Variants in DHX38 observed in about 807,000 individuals in gnomAD.
The protein encoded by DHX38 is pre-mRNA-splicing factor ATP-dependent RNA helicase PRP16.
A neutral mutation model predicts 153.1 loss-of-function variants in DHX38; 100 were observed. That is an observed-to-expected ratio of 0.65 (90% CI 0.56 to 0.77). The LOEUF (loss-of-function observed/expected upper bound fraction) is 0.77, where lower values mean the gene tolerates loss of function less well. Ranked by LOEUF, DHX38 falls within the 30% of genes least tolerant of loss-of-function variation. The pLI is 0.00. For synonymous variants in DHX38, 650 were observed against 631.7 expected (o/e 1.03, Z -0.43); for missense variants, 1,440 against 1,654.0 (o/e 0.87, Z 2.24).
In DHX38 at chr16:72,105,027, AC is replaced by A; in HGVS notation, c.2156del (p.Pro719HisfsTer10). Reference sequence around the variant, plus strand: ...GACTGTGTCCCCACTGCTGTTGCAGACCCCACAGGAGGATTACGTGGAGGCT... The same window carrying A: ...GACTGTGTCCCCACTGCTGTTGCAGACCCACAGGAGGATTACGTGGAGGCT... ...TFPVDILFSK[T>X]PQEDYVEAAV... On this transcript the variant is annotated frameshift_variant and splice_region_variant, in exon 16 of 27. Coordinates refer to ENST00000268482, the MANE Select transcript of DHX38 (RefSeq NM_014003.4). LOFTEE classifies it high-confidence loss of function. The A allele has an allele frequency of 6.2e-7, 1 of 1,613,658 alleles. No homozygotes were observed. The highest frequency in any genetic ancestry group is 8.5e-7 in the Non-Finnish European group (1 of 1,179,818).
intron 1 of DHX38, among the ~76,000 whole-genome samples, chr16:72,095,754 T>C (rs761368560): frequency 3.9e-5 from 6 of 152,196 alleles, no homozygotes; most frequent in South Asian, 2.1e-4. Context: ...TGGTTTCTAA[T>C]TGAGGTTTCT....
At position 72,105,253 on chromosome 16, in the gene DHX38, G is replaced by C. The variant is rs1276926640; in HGVS notation, c.2284G>C (p.Glu762Gln). Residue 762 changes from glutamate (E) to glutamine (Q), a missense_variant, in exon 17 of 27, where the codon GAG (glutamate) becomes CAG (glutamine). Physicochemically the swap from Glu to Gln is conservative, Grantham distance 29 (BLOSUM62 2). Transcript: ENST00000268482. ...DIEVTSDQIV[E>Q]HLEELENAPA... ...TCAGGTGACCTCAGACCAGATTGTGGAGCATCTGGAGGAACTGGAGAACGC... is the reference window on the plus strand; with the variant it reads ...TCAGGTGACCTCAGACCAGATTGTGCAGCATCTGGAGGAACTGGAGAACGC... 1.2e-6 allele frequency: 2 copies of C among 1,614,150 alleles called. No homozygotes were observed. Among genetic ancestry groups the C allele is most frequent in the Non-Finnish European group, 8.5e-7 (1 of 1,180,028 alleles).
chr16:72,103,476 C>T, intron 12 of DHX38, 126 bp from the exon 13 acceptor site: 13 of 1,116,126 alleles, frequency 1.2e-5, no homozygotes, highest in Non-Finnish European at 1.7e-5. Context: ...GTGAAATTCT[C>T]CCTTCTAAAC....
Position 72,108,236 on chromosome 16 carries a change from G to A in DHX38, c.2974G>A (p.Glu992Lys). 6.2e-7 allele frequency: 1 copy of A among 1,614,124 alleles called. No individual in the cohort carries two copies. Among genetic ancestry groups the A allele is most frequent in the Non-Finnish European group, 8.5e-7 (1 of 1,180,032 alleles). ...AIFYRPKGREEESDQIREKFA... is the reference protein window; with the variant it reads ...AIFYRPKGREKESDQIREKFA... The stretch of plus-strand genomic sequence containing the variant: ...CTTTTTCCCTTCCTAGGGTCGAGAG[G>A]AGGAGAGTGATCAAATCCGGGAGAA... The change falls in exon 22 of 27, where the codon GAG becomes AAG. Residue 992 changes from glutamate (E) to lysine (K), a missense_variant. Glu to Lys is a moderately conservative substitution (Grantham distance 56). Around this residue, in one of 6 missense-constraint regions of DHX38, gnomAD observed 543 missense variants for 717.9 expected, o/e 0.76. Coordinates refer to ENST00000268482, the MANE Select transcript of DHX38 (RefSeq NM_014003.4).
intron 11 of DHX38, among the ~76,000 whole-genome samples, chr16:72,102,031 A>G (rs1468348379): frequency 6.6e-6 from 1 of 152,166 alleles, no homozygotes; most frequent in Admixed American, 6.5e-5. Context: ...AACTATTTTT[A>G]AAAGAGGTTC....
rs370838624 is a variant in DHX38 at position 72,105,908 on chromosome 16, C to G, written c.2488-97C>G. On this transcript the variant is annotated intron_variant, in intron 18 of 26. Coordinates refer to ENST00000268482, the MANE Select transcript of DHX38 (RefSeq NM_014003.4). Reference sequence around the variant, plus strand: ...TTTCTAGAGCCTCCTGGCTCTTCCTCTGCCATGTGTAGCAACCAGGGCTTG... The same window carrying G: ...TTTCTAGAGCCTCCTGGCTCTTCCTGTGCCATGTGTAGCAACCAGGGCTTG... 66 of 1,143,892 alleles carry G rather than the reference C, an allele frequency of 5.8e-5. 2 individuals are homozygous for G. Among genetic ancestry groups the G allele is most frequent in the Admixed American group, 3.0e-4 (16 of 53,772 alleles). The allele number at this position is 1,143,892 out of a possible 1,614,324, so 70.9% of individuals were successfully genotyped here.
In DHX38 at chr16:72,105,986, C is replaced by T. The variant is rs189633613; in HGVS notation, c.2488-19C>T. On this transcript the variant is annotated intron_variant, in intron 18 of 26. Coordinates refer to ENST00000268482, the MANE Select transcript of DHX38 (RefSeq NM_014003.4). ...CCCCTCACTCTGTCCTTCGTCAGCT[C>T]TTTGCCGTCCCCTCCTAGGTCTTCA... The T allele has an allele frequency of 1.9e-6, 3 of 1,610,736 alleles. No individual in the cohort carries two copies. The highest frequency in any genetic ancestry group is 2.2e-5 in the East Asian group (1 of 44,820).
rs1459938795 is a variant in DHX38, at chr16:72,107,152, A to T, written c.2601-188A>T. ...TGTCTAAAAAAAAAAGAAATGAAAC[A>T]TGTAAGAGGCTCCAGAAGAAGGGCT... On this transcript the variant is annotated intron_variant, in intron 19 of 26. Coordinates refer to ENST00000268482, the MANE Select transcript of DHX38 (RefSeq NM_014003.4). This position sits in a 1 kb window ranked among gnomAD's most constrained non-coding sequence, Gnocchi z 5.3. Among the ~76,000 whole-genome samples, 2 of 152,122 alleles carry T rather than the reference A, an allele frequency of 1.3e-5. No individual in the cohort carries two copies. Among genetic ancestry groups the T allele is most frequent in the Non-Finnish European group, 2.9e-5 (2 of 68,000 alleles).
intron 23 of DHX38, 23 bp downstream of exon 23, chr16:72,108,630 C>T (rs1372553695): frequency 1.9e-6 from 3 of 1,609,128 alleles, no homozygotes; most frequent in Non-Finnish European, 2.5e-6. Context: ...GCCCAGTGAG[C>T]CCCTCCCAGC....
At chr16:72,103,878 C>T (rs2042134816) in intron 13 of DHX38, 68 bp from the exon 14 acceptor site, 1 of 1,603,272 alleles carries the variant, frequency 6.2e-7, no homozygotes, top group Non-Finnish European at 8.5e-7. Flanking sequence ...AAGACTCGGA[C>T]CCCAGTACGG....
In DHX38 at chr16:72,097,660, C is replaced by T. The variant is rs935662577; in HGVS notation, c.512-17C>T. The T allele has an allele frequency of 8.1e-6, 13 of 1,611,448 alleles. No individual in the cohort carries two copies. Among genetic ancestry groups the T allele is most frequent in the African/African-American group, 4.0e-5 (3 of 74,874 alleles). On this transcript the variant is annotated splice_polypyrimidine_tract_variant and intron_variant, in intron 3 of 26. Coordinates refer to ENST00000268482, the MANE Select transcript of DHX38 (RefSeq NM_014003.4). ...GGATGGGATGCATGTTTTTAAGCTT[C>T]GTGTGACTCTTCATAGATGAGCGGG... is the stretch of plus-strand genomic sequence containing the variant.
chr16:72,111,067 G>T lies in DHX38; in HGVS notation c.3589G>T (p.Gly1197Cys). ...RQEQEKRSPL[G>C]SVRSTKIYTP... is the part of the protein sequence containing the mutation. ...GGAGCAGGAGAAGCGCAGCCCCCTGGGCAGTGTCAGGTGAGCTCCGGCCTT... is the reference window on the plus strand; with the variant it reads ...GGAGCAGGAGAAGCGCAGCCCCCTGTGCAGTGTCAGGTGAGCTCCGGCCTT... The change falls in exon 26 of 27, where the codon GGC (glycine) becomes TGC (cysteine). Residue 1197 changes from glycine to cysteine, a missense_variant. By Grantham distance (159) the Gly-to-Cys change is radical. Around this residue, in one of 6 missense-constraint regions of DHX38, gnomAD observed 75 missense variants for 69.5 expected, o/e 1.08. Coordinates refer to ENST00000268482, the MANE Select transcript of DHX38 (RefSeq NM_014003.4). 6.4e-7 allele frequency: 1 copy of T among 1,564,450 alleles called. No individual in the cohort carries two copies. Among genetic ancestry groups the T allele is most frequent in the Non-Finnish European group, 8.7e-7 (1 of 1,155,062 alleles).
chr16:72,104,168 G>C lies in DHX38; in HGVS notation c.2010+37G>C. 2 of 1,601,362 alleles carry C rather than the reference G, an allele frequency of 1.2e-6. No individual in the cohort carries two copies. The highest frequency in any genetic ancestry group is 1.7e-6 in the Non-Finnish European group (2 of 1,171,188). On this transcript the variant is annotated intron_variant, in intron 14 of 26. Transcript: ENST00000268482. The surrounding 1 kb of genome is among the most constrained non-coding windows in gnomAD (Gnocchi z 4.5). ...GTGGTTTGGTCTCTCTGCGCATGGG[G>C]TGTTGACCAGTGCACCACCAGTAGC...
rs1405494196 is a variant in DHX38, at chr16:72,108,792, C to T, written c.3256-8C>T. On this transcript the variant is annotated splice_polypyrimidine_tract_variant and splice_region_variant and intron_variant, in intron 23 of 26. Transcript: ENST00000268482. ...CTGATGTGGCTGCCTGTTGTGTCTC[C>T]TCCCTAGGGAATCGGGGAGTACGTG... 1.2e-6 allele frequency: 2 copies of T among 1,611,562 alleles called. No individual in the cohort carries two copies. Among genetic ancestry groups the T allele is most frequent in the Admixed American group, 3.4e-5 (2 of 59,606 alleles).
chr16:72,104,345 C>T lies in DHX38; in HGVS notation c.2011-141C>T. On this transcript the variant is annotated intron_variant, in intron 14 of 26. Transcript: ENST00000268482. This position sits in a 1 kb window ranked among gnomAD's most constrained non-coding sequence, Gnocchi z 4.5. ...TTTCTGGGCAGTGGCTCCATTGCTT[C>T]AGTCTTCATGATTGGTAAGAATTGA... The T allele has an allele frequency of 7.8e-7, 1 of 1,284,060 alleles. No individual in the cohort carries two copies. Among genetic ancestry groups the T allele is most frequent in the Non-Finnish European group, 1.1e-6 (1 of 949,494 alleles). 79.5% of individuals were successfully genotyped at this position (1,284,060 alleles called of 1,614,324 possible). A position where few individuals can be genotyped will look rare whatever the true frequency, so the allele number is the denominator to read the frequency against.
In DHX38 at chr16:72,107,607, T is replaced by C; in HGVS notation, c.2810-38T>C. ...CGCTTGACTTCCTTCTTTCCTCTACTGTCCCGTCAAATATCCGGGTTTGCT... is the reference window on the plus strand; with the variant it reads ...CGCTTGACTTCCTTCTTTCCTCTACCGTCCCGTCAAATATCCGGGTTTGCT... On this transcript the variant is annotated intron_variant, in intron 20 of 26. Transcript: ENST00000268482. This position sits in a 1 kb window ranked among gnomAD's most constrained non-coding sequence, Gnocchi z 5.3. 6 of 1,610,992 alleles carry C rather than the reference T, an allele frequency of 3.7e-6. No homozygotes were observed. Among genetic ancestry groups the C allele is most frequent in the Non-Finnish European group, 4.2e-6 (5 of 1,177,326 alleles).
Position 72,104,220 on chromosome 16 carries a change from G to T in DHX38, c.2010+89G>T. 1 of 1,499,392 alleles carries T rather than the reference G, an allele frequency of 6.7e-7. No homozygotes were observed. The highest frequency in any genetic ancestry group is 2.3e-5 in the East Asian group (1 of 43,276). The allele number at this position is 1,499,392 out of a possible 1,614,324, so 92.9% of individuals were successfully genotyped here. On this transcript the variant is annotated intron_variant, in intron 14 of 26. Transcript: ENST00000268482. The surrounding 1 kb of genome is among the most constrained non-coding windows in gnomAD (Gnocchi z 4.5). ...AGTGGGTTGCTCCAGGTGGGCTGAG[G>T]GGGTCTCTGGTAGGCCAGAGGTTCC...
In DHX38 at chr16:72,112,633, C is replaced by T. The variant is rs1389423485; in HGVS notation, c.*136C>T. 2 of 926,258 alleles carry T rather than the reference C, an allele frequency of 2.2e-6. No individual in the cohort carries two copies. The highest frequency in any genetic ancestry group is 3.4e-6 in the Non-Finnish European group (2 of 588,162). The allele number at this position is 926,258 out of a possible 1,614,324, so 57.4% of individuals were successfully genotyped here. A position where few individuals can be genotyped will look rare whatever the true frequency, so the allele number is the denominator to read the frequency against. On this transcript the variant is annotated 3_prime_UTR_variant, in exon 27 of 27. Coordinates refer to ENST00000268482, the MANE Select transcript of DHX38 (RefSeq NM_014003.4). ...ATATCACGGCCCCCCAGGGCAGTTC[C>T]TGCTGGACCAGACTCTCTGGCAGAG...
chr16:72,098,483 A>C (rs940877770), intron 4 of DHX38, among the ~76,000 whole-genome samples, 162 bp from the exon 5 acceptor site: 1 of 152,212 alleles, frequency 6.6e-6, no homozygotes, highest in African/African-American at 2.4e-5. Context: ...AAATTGAGAT[A>C]TCTTTAAAAA....
Sources: allele counts gnomAD v4.1 joint callset (sites outside exome capture counted in the v4.1 genomes callset), GRCh38; gene constraint gnomAD v4.1.1; regional missense constraint gnomAD v4.1.1; non-coding constraint Gnocchi (gnomAD v3.1); transcripts MANE v1.5; gene names NCBI Gene and HGNC (gene_info 2026-07-23, HGNC 2026-07-21).